Variants in TAF1B observed in about 807,000 individuals in gnomAD.
The protein encoded by TAF1B is TATA box-binding protein-associated factor RNA polymerase I subunit B.
A neutral mutation model predicts 83.9 loss-of-function variants in TAF1B; 61 were observed. The observed-to-expected ratio is 0.73, with a 90% confidence interval of 0.59 to 0.90. TAF1B has a LOEUF of 0.90. Ranked by LOEUF, TAF1B falls within the 40% of genes least tolerant of loss-of-function variation. TAF1B has a pLI of 0.00. For synonymous variants in TAF1B, 221 were observed against 224.6 expected, an observed-to-expected ratio of 0.98 and a Z score of 0.14; for missense variants, 625 against 677.0, an observed-to-expected ratio of 0.92 and a Z score of 0.85.
intron 8 of TAF1B, among the ~76,000 whole-genome samples, chr2:9,903,564 G>A (rs1021267477): frequency 6.6e-6 from 1 of 152,184 alleles, no homozygotes; most frequent in Non-Finnish European, 1.5e-5. Flanking sequence ...TCTGAACTTT[G>A]TAAGAGAATC....
chr2:9,902,660 T>C (rs6748720), intron 8 of TAF1B, among the ~76,000 whole-genome samples: 47,761 of 152,078 alleles, frequency 0.31, 7,898 homozygotes, highest in African/African-American at 0.39. Context: ...GACATTTGAG[T>C]AATTTCCAGC....
chr2:9,898,178 T>C (rs1405362487), intron 8 of TAF1B, among the ~76,000 whole-genome samples: 1 of 152,214 alleles, frequency 6.6e-6, no homozygotes, highest in Non-Finnish European at 1.5e-5. Flanking sequence ...CATTAATCTC[T>C]AGAGGCTCTC....
intron 5 of TAF1B, 55 bp downstream of exon 5, chr2:9,854,476 G>A: frequency 7.6e-7 from 1 of 1,317,610 alleles, no homozygotes; most frequent in Non-Finnish European, 1.1e-6. Context: ...GAGATGTAGA[G>A]ATGAAGATGG....
chr2:9,864,331 G>A (rs12613450), intron 5 of TAF1B, among the ~76,000 whole-genome samples: 60,932 of 151,266 alleles, frequency 0.4, 13,101 homozygotes, highest in East Asian at 0.58. Flanking sequence ...ATAAACTAGA[G>A]AATCTAGAAG....
chr2:9,912,939 AGAGAATAATG>A (rs1306704088), intron 11 of TAF1B, among the ~76,000 whole-genome samples: 1 of 152,252 alleles, frequency 6.6e-6, no homozygotes, highest in Non-Finnish European at 1.5e-5. Flanking sequence ...TGCCTTCGCC[AGAGAATAATG>A]GAGAATAATC....
At chr2:9,908,658 C>G (rs1451138652) in intron 9 of TAF1B, among the ~76,000 whole-genome samples, 1 of 152,164 alleles carries the variant, frequency 6.6e-6, no homozygotes, top group Non-Finnish European at 1.5e-5. Flanking sequence ...TTCTCTATCT[C>G]CTAATCTTTT....
chr2:9,873,197 G>T (rs1042180026), intron 6 of TAF1B, among the ~76,000 whole-genome samples: 1 of 152,182 alleles, frequency 6.6e-6, no homozygotes, highest in African/African-American at 2.4e-5. Flanking sequence ...GGACATAATG[G>T]TGGCAAGACT....
At position 9,910,765 on chromosome 2, in the gene TAF1B, G is replaced by A; in HGVS notation, c.985G>A (p.Val329Ile). Residue 329 changes from valine (V) to isoleucine (I), a missense_variant, in exon 10 of 15, where the codon GTA (valine) becomes ATA (isoleucine). By Grantham distance (29) the Val-to-Ile change is conservative. Coordinates refer to ENST00000263663, the MANE Select transcript of TAF1B (RefSeq NM_005680.3). The part of the protein sequence containing the change: ...DEMHSLTCHV[V>I]KMTGMGEVDF... ...AATGCATAGCTTAACTTGCCACGTGGTAAAAATGACTGGAATGGGAGAAGT... is the reference window on the plus strand; with the variant it reads ...AATGCATAGCTTAACTTGCCACGTGATAAAAATGACTGGAATGGGAGAAGT... The A allele has an allele frequency of 8.1e-6, 13 of 1,611,738 alleles. No homozygotes were observed. Among genetic ancestry groups the A allele is most frequent in the Non-Finnish European group, 1.1e-5 (13 of 1,178,942 alleles).
intron 4 of TAF1B, among the ~76,000 whole-genome samples, chr2:9,853,913 G>A (rs946965314): frequency 6.6e-5 from 10 of 152,078 alleles, no homozygotes; most frequent in Admixed American, 6.6e-4. Flanking sequence ...GACTCAACTC[G>A]GTGATTTTAA....
chr2:9,921,249 A>T (rs756856372), intron 14 of TAF1B, among the ~76,000 whole-genome samples: 2 of 151,916 alleles, frequency 1.3e-5, no homozygotes, highest in Non-Finnish European at 2.9e-5. Context: ...GCACCACCAT[A>T]CCCAGCTAAT....
Position 9,933,808 on chromosome 2 carries a change from G to C in TAF1B, c.1591G>C (p.Glu531Gln), listed in dbSNP as rs1227752132. The part of the protein sequence containing the change: ...RCYCTHVTTY[E>Q]ESNYSLSYQF... ...CTATTGTACACATGTGACAACCTAT[G>C]AAGAATCAAATTATTCTCTGAGTTA... Residue 531 changes from glutamate (E) to glutamine (Q), a missense_variant, in exon 15 of 15, where the codon GAA becomes CAA. Glu to Gln is a conservative substitution (Grantham distance 29). Transcript: ENST00000263663. The C allele has an allele frequency of 6.2e-7, 1 of 1,613,092 alleles. No homozygotes were observed. The highest frequency in any genetic ancestry group is 1.3e-5 in the African/African-American group (1 of 74,854).
rs186376096 is a variant in TAF1B at position 9,920,296 on chromosome 2, C to A, written c.1565+476C>A. Among the ~76,000 whole-genome samples the A allele has an allele frequency of 2.0e-5, 3 of 152,238 alleles. No individual in the cohort carries two copies. The East Asian group carries it at 5.8e-4, about 29-fold the overall frequency. On this transcript the variant is annotated intron_variant, in intron 14 of 14. Transcript: ENST00000263663. ...TCCATATTCCAATTTTCTCATTAGACCCCCAGTGTCCTTTTATAGCAGGAT... is the reference window on the plus strand; with the variant it reads ...TCCATATTCCAATTTTCTCATTAGAACCCCAGTGTCCTTTTATAGCAGGAT...
Position 9,934,114 on chromosome 2 carries a change from A to G in TAF1B, c.*130A>G, listed in dbSNP as rs963094934. On this transcript the variant is annotated 3_prime_UTR_variant, in exon 15 of 15. Transcript: ENST00000263663. ...TATAGACTCTGACACATATTTACAT[A>G]TATATCAAGTGTGCTTAGAAAAATG... 1.4e-5 allele frequency: 10 copies of G among 731,998 alleles called. No homozygotes were observed. The highest frequency in any genetic ancestry group is 2.7e-5 in the East Asian group (1 of 36,368). 45.3% of individuals were successfully genotyped at this position (731,998 alleles called of 1,614,324 possible).
chr2:9,845,473 T>C, intron 2 of TAF1B, 155 bp downstream of exon 2: 1 of 566,828 alleles, frequency 1.8e-6, no homozygotes, highest in Non-Finnish European at 3.2e-6. Flanking sequence ...TACTTACACA[T>C]AGGTTAAGGG....
chr2:9,876,438 G>C (rs1337437142), intron 7 of TAF1B, among the ~76,000 whole-genome samples: 2 of 152,230 alleles, frequency 1.3e-5, no homozygotes, highest in African/African-American at 4.8e-5. Flanking sequence ...GGTTGTCTAT[G>C]TTTGTAAGGA....
At chr2:9,882,870 A>T in intron 8 of TAF1B, 65 bp downstream of exon 8, 5 of 1,176,770 alleles carry the variant, frequency 4.2e-6, no homozygotes, top group Non-Finnish European at 6.0e-6. Context: ...GATAATTTCT[A>T]TTTCTTGCTT....
intron 6 of TAF1B, among the ~76,000 whole-genome samples, chr2:9,870,519 C>T (rs1197974549): frequency 6.6e-6 from 1 of 152,218 alleles, no homozygotes. Context: ...CTACCTTCAG[C>T]TAATGTCCTG....
chr2:9,892,997 G>A (rs1664916382), intron 8 of TAF1B, among the ~76,000 whole-genome samples: 1 of 152,072 alleles, frequency 6.6e-6, no homozygotes, highest in Non-Finnish European at 1.5e-5. Flanking sequence ...TAGAGATTTT[G>A]GTGGAAGATA....
intron 14 of TAF1B, among the ~76,000 whole-genome samples, chr2:9,924,347 C>T (rs1306959413): frequency 6.6e-6 from 1 of 152,176 alleles, no homozygotes; most frequent in Non-Finnish European, 1.5e-5. Context: ...CCAAACTCCT[C>T]ATCATCAAAG....
Sources: allele counts gnomAD v4.1 joint callset (sites outside exome capture counted in the v4.1 genomes callset), GRCh38; gene constraint gnomAD v4.1.1; transcripts MANE v1.5; gene names NCBI Gene and HGNC (gene_info 2026-07-23, HGNC 2026-07-21).